ATP11A: variants seen among roughly 807,000 people sequenced by gnomAD.
ATP11A encodes the protein ATPase phospholipid transporting 11A, also known as phospholipid-transporting ATPase IH.
ATP11A carries 81 observed loss-of-function variants against 154.4 expected under a neutral mutation model. The observed-to-expected ratio is 0.52, with a 90% CI of 0.44 to 0.63. ATP11A has a LOEUF of 0.63. ATP11A is among the 30% of genes least tolerant of loss of function. The pLI is 0.00. For missense variants in ATP11A, 1,316 were observed against 1,474.3 expected, an observed-to-expected ratio of 0.89 and a Z score of 1.76; for synonymous variants, 623 against 585.9, an observed-to-expected ratio of 1.06 and a Z score of -0.91.
At position 112,746,887 on chromosome 13, in the gene ATP11A, A is replaced by ATC. The variant is rs1309216246; in HGVS notation, c.40-38245_40-38244dup. The ATC allele has an allele frequency of 6.6e-6, 1 of 151,934 alleles. No individual in the cohort carries two copies. The highest frequency in any genetic ancestry group is 1.5e-5 in the Non-Finnish European group (1 of 68,014). 9.4% of individuals were successfully genotyped at this position (151,934 alleles called of 1,614,324 possible). A position where few individuals can be genotyped will look rare whatever the true frequency, so the allele number is the denominator to read the frequency against. On this transcript the variant is annotated intron_variant, in intron 1 of 29. Coordinates refer to ENST00000375645, the MANE Select transcript of ATP11A (RefSeq NM_015205.3). The surrounding 1 kb of genome is among the most constrained non-coding windows in gnomAD (Gnocchi z 4.1). ...TGTGGTTTTAATTTGAGCACTTTTC[A>ATC]TCTCCTTATTAGACCTTCTTGCTAC...
intron 1 of ATP11A, among the ~76,000 whole-genome samples, chr13:112,691,199 T>C (rs887833271): frequency 1.3e-5 from 2 of 151,796 alleles, no homozygotes; most frequent in Admixed American, 1.3e-4. Flanking sequence ...GCGCGGTGGC[T>C]CACGCCTGTA....
chr13:112,794,375 C>T (rs1023095436), intron 2 of ATP11A, among the ~76,000 whole-genome samples: 1 of 152,210 alleles, frequency 6.6e-6, no homozygotes, highest in Non-Finnish European at 1.5e-5. Flanking sequence ...TGATTGTATC[C>T]CGATGGTACT....
chr13:112,713,855 C>T (rs1888056392), intron 1 of ATP11A, among the ~76,000 whole-genome samples: 1 of 152,014 alleles, frequency 6.6e-6, no homozygotes, highest in African/African-American at 2.4e-5. Flanking sequence ...TGGGGAGTAG[C>T]AGTTCAGAGG....
intron 1 of ATP11A, among the ~76,000 whole-genome samples, chr13:112,743,712 G>T (rs1891805475): frequency 6.6e-6 from 1 of 152,242 alleles, no homozygotes; most frequent in Admixed American, 6.5e-5. Context: ...TTAGGCAGAT[G>T]TAGGTTCCTT....
chr13:112,809,470 C>T (rs1033053000), intron 4 of ATP11A, among the ~76,000 whole-genome samples: 1 of 152,192 alleles, frequency 6.6e-6, no homozygotes, highest in African/African-American at 2.4e-5. Context: ...AGTGAGCCTC[C>T]TGCCCCACAG....
At chr13:112,825,333 C>T in intron 10 of ATP11A, 97 bp from the exon 11 acceptor site, 1 of 1,378,440 alleles carries the variant, frequency 7.3e-7, no homozygotes, top group Non-Finnish European at 9.9e-7. Context: ...CCTTCCTATT[C>T]TGTTTCTTCA....
intron 2 of ATP11A, among the ~76,000 whole-genome samples, chr13:112,797,893 G>C (rs2078042273): frequency 6.6e-6 from 1 of 152,204 alleles, no homozygotes; most frequent in African/African-American, 2.4e-5. Context: ...CACAGACTGG[G>C]TAATTTATAG....
chr13:112,825,740 T>G (rs1374251482), intron 11 of ATP11A, among the ~76,000 whole-genome samples, 160 bp downstream of exon 11: 1 of 152,182 alleles, frequency 6.6e-6, no homozygotes, highest in African/African-American at 2.4e-5. Flanking sequence ...ATTTAAAGTC[T>G]CAGTGGACAC....
chr13:112,775,030 C>T (rs1400828129), intron 1 of ATP11A, among the ~76,000 whole-genome samples: 1 of 152,264 alleles, frequency 6.6e-6, no homozygotes, highest in Non-Finnish European at 1.5e-5. Context: ...CAGCGGGCTG[C>T]AGCGTGTGCC....
At chr13:112,836,332 T>C in intron 16 of ATP11A, 81 bp downstream of exon 16, 1 of 807,644 alleles carries the variant, frequency 1.2e-6, no homozygotes, top group Non-Finnish European at 2.0e-6. Context: ...CTACAGGAGC[T>C]TTAAGGATTT....
Position 112,873,656 on chromosome 13 carries a change from T to A in ATP11A, c.3141T>A (p.Leu1047=), listed in dbSNP as rs771815577. ...GSLLFYVVFS[L]LWGGVIWPFL... is the part of the protein sequence containing the mutation. ...TGCTGTTCTACGTTGTCTTTTCGCT[T>A]CTCTGGGGAGGAGTGATCTGGTAAA... Residue 1047 remains leucine (L), a synonymous_variant, in exon 27 of 30, where the codon CTT becomes CTA. Transcript: ENST00000375645. 6.2e-7 allele frequency: 1 copy of A among 1,612,902 alleles called. No homozygotes were observed. Among genetic ancestry groups the A allele is most frequent in the Admixed American group, 1.7e-5 (1 of 59,986 alleles).
At chr13:112,757,988 G>T (rs1160942086) in intron 1 of ATP11A, among the ~76,000 whole-genome samples, 13 of 152,212 alleles carry the variant, frequency 8.5e-5, no homozygotes, top group Admixed American at 8.5e-4. Flanking sequence ...GGGAGTCCAC[G>T]CCACATGCAC....
chr13:112,816,888 T>C (rs1441800775), intron 6 of ATP11A, among the ~76,000 whole-genome samples: 1 of 152,248 alleles, frequency 6.6e-6, no homozygotes, highest in Non-Finnish European at 1.5e-5. Context: ...AATTTTCATT[T>C]TATTAGTTAA....
intron 1 of ATP11A, among the ~76,000 whole-genome samples, chr13:112,703,136 T>C (rs78280008): frequency 6.8e-4 from 104 of 152,312 alleles, no homozygotes; most frequent in African/African-American, 2.5e-3. Flanking sequence ...GGCTGCATGG[T>C]TTACGCAATA....
intron 1 of ATP11A, among the ~76,000 whole-genome samples, chr13:112,730,247 G>A (rs981762510): frequency 2.0e-5 from 3 of 152,232 alleles, no homozygotes; most frequent in Admixed American, 6.5e-5. Context: ...ATGGGCAGCC[G>A]CAGAGCTTCT....
chr13:112,776,923 C>T (rs1280530713), intron 1 of ATP11A, among the ~76,000 whole-genome samples: 1 of 152,180 alleles, frequency 6.6e-6, no homozygotes, highest in Non-Finnish European at 1.5e-5. Context: ...TGAGAGGCTT[C>T]AGCTCCTGGC....
At chr13:112,775,475 C>T (rs534857321) in intron 1 of ATP11A, among the ~76,000 whole-genome samples, 14 of 152,314 alleles carry the variant, frequency 9.2e-5, no homozygotes, top group African/African-American at 3.4e-4. Context: ...GACATGCCTC[C>T]TCTAAAGGGG....
intron 16 of ATP11A, among the ~76,000 whole-genome samples, chr13:112,840,487 T>C (rs1171552307): frequency 1.5e-5 from 1 of 64,538 alleles, no homozygotes; most frequent in Non-Finnish European, 2.8e-5. Context: ...TACTCTCCTG[T>C]CCCCTCCAGC....
At chr13:112,808,391 C>T (rs77201665) in intron 4 of ATP11A, among the ~76,000 whole-genome samples, 13,263 of 152,040 alleles carry the variant, frequency 0.087, 1,148 homozygotes, top group African/African-American at 0.21. Context: ...TCCTCTCCCG[C>T]GCGTCCTGCT....
Sources: gnomAD v4.1 joint callset for allele counts (sites outside exome capture counted in the v4.1 genomes callset) on GRCh38, gnomAD v4.1.1 for gene constraint, Gnocchi (gnomAD v3.1) non-coding constraint, MANE v1.5 for transcripts, NCBI Gene and HGNC (gene_info 2026-07-23, HGNC 2026-07-21) for gene names.